The following SERPINF1 variants were observed in gnomAD, a reference collection of about 807,000 sequenced individuals.
SERPINF1 encodes pigment epithelium-derived factor.
A neutral mutation model predicts 37.3 loss-of-function variants in SERPINF1; 29 were observed. That is an observed-to-expected ratio of 0.78 (90% CI 0.58 to 1.06). The LOEUF is 1.06. Ranked by LOEUF, SERPINF1 falls within the 50% of genes least tolerant of loss-of-function variation. The pLI is 0.00. For synonymous variants in SERPINF1, 281 were observed against 227.9 expected (o/e 1.23, Z -2.10); for missense variants, 553 against 532.2 (o/e 1.04, Z -0.38).
chr17:1,774,208 T>C (rs754483064), intron 5 of SERPINF1, among the ~76,000 whole-genome samples: 15 of 152,188 alleles, frequency 9.9e-5, no homozygotes, highest in Non-Finnish European at 1.5e-4. Context: ...CTTTCTTTTG[T>C]TTTTGAGATG....
intron 5 of SERPINF1, 136 bp downstream of exon 5, chr17:1,772,211 GGT>G (rs1907790306): frequency 2.2e-6 from 2 of 903,780 alleles, no homozygotes; most frequent in East Asian, 5.6e-5. Context: ...CCGCCTCCCA[GGT>G]TCAAGCAATT....
intron 2 of SERPINF1, 151 bp from the exon 3 acceptor site, chr17:1,769,701 T>G: frequency 3.7e-6 from 3 of 802,252 alleles, no homozygotes; most frequent in Non-Finnish European, 6.5e-6. Context: ...GGAGTAAAAC[T>G]CATTCCCGTT....
chr17:1,771,191 C>T lies in SERPINF1; in HGVS notation c.439+7C>T, dbSNP rs766814533. The T allele has an allele frequency of 2.1e-4, 345 of 1,612,678 alleles. 2 individuals carry two copies. The highest frequency in any genetic ancestry group is 7.5e-4 in the South Asian group (68 of 91,012). On this transcript the variant is annotated splice_region_variant and intron_variant, in intron 4 of 7. Transcript: ENST00000254722. ...CGGATCGTCTTTGAGAAGAGTGAGT[C>T]GCCTTTGCAGCCCAAGTTGCCTGAG... is the stretch of plus-strand genomic sequence containing the variant.
chr17:1,771,780 C>T (rs1021068354), intron 4 of SERPINF1, 92 bp from the exon 5 acceptor site: 37 of 1,267,076 alleles, frequency 2.9e-5, no homozygotes, highest in South Asian at 3.7e-5. Context: ...GCCTGCTGAG[C>T]GCTAAACCAG....
chr17:1,772,048 C>T lies in SERPINF1; in HGVS notation c.616C>T (p.Leu206Phe). The change falls in exon 5 of 8, where the codon CTC (leucine) becomes TTC (phenylalanine). Residue 206 changes from leucine to phenylalanine, a missense_variant. Leu to Phe is a conservative substitution (Grantham distance 22, BLOSUM62 0). Coordinates refer to ENST00000254722, the MANE Select transcript of SERPINF1 (RefSeq NM_002615.7). ...TKEIPDEISI[L>F]LLGVAHFKGQ... is the part of the protein sequence containing the mutation. ...GGAAATTCCCGATGAGATCAGCATT[C>T]TCCTTCTCGGTGTGGCGCACTTCAA... 1.2e-6 allele frequency: 2 copies of T among 1,613,840 alleles called. No homozygotes were observed. The highest frequency in any genetic ancestry group is 2.2e-5 in the East Asian group (1 of 44,870).
At position 1,766,989 on chromosome 17, in the gene SERPINF1, G is replaced by C. The variant is rs1457179064; in HGVS notation, c.79G>C (p.Glu27Gln). ...SSCQNPASPPEEGSPDPDSTG... is the reference protein window; with the variant it reads ...SSCQNPASPPQEGSPDPDSTG... ...CTGCCAGAACCCTGCCAGCCCCCCG[G>C]AGGAGGTCAGTAGGCAGGCGGGGAG... Residue 27 changes from glutamate (E) to glutamine (Q), a missense_variant, in exon 2 of 8, where the codon GAG becomes CAG. By Grantham distance (29) the Glu-to-Gln change is conservative (BLOSUM62 2). Coordinates refer to ENST00000254722, the MANE Select transcript of SERPINF1 (RefSeq NM_002615.7). 6.4e-6 allele frequency: 10 copies of C among 1,553,664 alleles called. No homozygotes were observed. The South Asian group carries it at 1.2e-4, about 18-fold the overall frequency.
intron 5 of SERPINF1, among the ~76,000 whole-genome samples, chr17:1,773,395 G>A (rs369361649): frequency 3.9e-5 from 6 of 152,102 alleles, no homozygotes; most frequent in African/African-American, 9.7e-5. Flanking sequence ...ACAGGCGCCC[G>A]CCACCACACC....
intron 5 of SERPINF1, among the ~76,000 whole-genome samples, chr17:1,774,632 A>C (rs544246915): frequency 2.0e-5 from 3 of 151,694 alleles, no homozygotes; most frequent in African/African-American, 7.3e-5. Flanking sequence ...GTGCCCGGCC[A>C]TTTTTGTATT....
At chr17:1,766,841 G>C (rs1907409953) in intron 1 of SERPINF1, 62 bp from the exon 2 acceptor site, 2 of 1,485,502 alleles carry the variant, frequency 1.3e-6, no homozygotes, top group East Asian at 2.5e-5. Flanking sequence ...TGGCCAGGAA[G>C]GGGTAGCGGG....
intron 5 of SERPINF1, among the ~76,000 whole-genome samples, chr17:1,773,986 G>A (rs972571123): frequency 6.6e-6 from 1 of 152,176 alleles, no homozygotes; most frequent in Non-Finnish European, 1.5e-5. Context: ...ACAGCTCTGG[G>A]TCCAGGATAT....
chr17:1,770,079 G>A, intron 3 of SERPINF1, 29 bp downstream of exon 3: 1 of 1,612,926 alleles, frequency 6.2e-7, no homozygotes. Context: ...GAAGCCCCAG[G>A]CAGACCTGGA....
At chr17:1,769,693 A>G in intron 2 of SERPINF1, 159 bp from the exon 3 acceptor site, 2 of 752,986 alleles carry the variant, frequency 2.7e-6, no homozygotes, top group Non-Finnish European at 4.7e-6. Flanking sequence ...GTGATCAGGG[A>G]GTAAAACTCA....
chr17:1,771,826 T>C (rs756104524), intron 4 of SERPINF1, 46 bp from the exon 5 acceptor site: 35 of 1,580,782 alleles, frequency 2.2e-5, no homozygotes, highest in Non-Finnish European at 2.9e-5. Context: ...GACGGGATGC[T>C]TGTCGTCGAG....
intron 2 of SERPINF1, among the ~76,000 whole-genome samples, chr17:1,769,289 G>C (rs960264560): frequency 2.0e-5 from 3 of 151,858 alleles, no homozygotes; most frequent in Admixed American, 2.0e-4. Flanking sequence ...GGCGCCTGTA[G>C]TCCCAGCTAC....
intron 5 of SERPINF1, among the ~76,000 whole-genome samples, chr17:1,772,511 A>G (rs1338213735): frequency 1.3e-5 from 2 of 152,032 alleles, no homozygotes; most frequent in African/African-American, 4.8e-5. Flanking sequence ...TTGGCCTCCC[A>G]AAGTGCTGGG....
chr17:1,765,143 CT>C (rs34386380), intron 1 of SERPINF1, among the ~76,000 whole-genome samples: 115 of 124,766 alleles, frequency 9.2e-4, no homozygotes, highest in South Asian at 1.5e-3. Context: ...TGCGCCTGGC[CT>C]TTTTTTTTTT....
rs368630571 is a variant in SERPINF1, at chr17:1,777,295, C to A, written c.1106C>A (p.Ala369Glu). ...GGCTTTGAGTGGAACGAGGATGGGG[C>A]GGGAACCACCCCCAGCCCAGGGCTG... The part of the protein sequence containing the change: ...RAGFEWNEDG[A>E]GTTPSPGLQP... The change falls in exon 8 of 8, where the codon GCG (alanine) becomes GAG (glutamate). Residue 369 changes from alanine (A) to glutamate (E), a missense_variant. By Grantham distance (107) the Ala-to-Glu change is moderately radical. Coordinates refer to ENST00000254722, the MANE Select transcript of SERPINF1 (RefSeq NM_002615.7). 6.2e-7 allele frequency: 1 copy of A among 1,614,094 alleles called. No homozygotes were observed. The highest frequency in any genetic ancestry group is 1.7e-5 in the Admixed American group (1 of 60,004).
chr17:1,774,629 G>C (rs1483925612), intron 5 of SERPINF1, among the ~76,000 whole-genome samples: 2 of 152,026 alleles, frequency 1.3e-5, no homozygotes, highest in Non-Finnish European at 2.9e-5. Context: ...ACCGTGCCCG[G>C]CCATTTTTGT....
In SERPINF1 at chr17:1,775,827, C is replaced by T. The variant is rs148112343; in HGVS notation, c.786+627C>T. Among the ~76,000 whole-genome samples, 1,240 of 152,320 alleles carry T rather than the reference C, an allele frequency of 8.1e-3. 12 individuals carry two copies. Among genetic ancestry groups the T allele is most frequent in the Non-Finnish European group, 0.01 (702 of 68,028 alleles). On this transcript the variant is annotated intron_variant, in intron 6 of 7. Transcript: ENST00000254722. Reference sequence around the variant, plus strand: ...GGGATTCCAGGCATGAGCCACCACGCTTGGCCAATCGTTGGCATTCTAAGG... The same window carrying T: ...GGGATTCCAGGCATGAGCCACCACGTTTGGCCAATCGTTGGCATTCTAAGG...
Sources: allele counts gnomAD v4.1 joint callset (sites outside exome capture counted in the v4.1 genomes callset), GRCh38; gene constraint gnomAD v4.1.1; transcripts MANE v1.5; gene names NCBI Gene and HGNC (gene_info 2026-07-23, HGNC 2026-07-21).